The following CAP2 variants were observed in gnomAD, a reference collection of about 807,000 sequenced individuals.
The protein encoded by CAP2 is adenylyl cyclase-associated protein 2.
In CAP2, 24 loss-of-function variants were observed where a neutral mutation model predicts 57.7. The observed-to-expected ratio is 0.42, with a 90% CI of 0.30 to 0.58. The LOEUF is 0.58. Among genes scored for constraint, CAP2 ranks in the 20% least tolerant of loss-of-function variants. The probability of loss-of-function intolerance (pLI) is 0.22; values close to 1 mark genes in which losing one functional copy is unlikely to be tolerated. For missense variants in CAP2, 501 were observed against 590.3 expected (o/e 0.85, Z 1.57); for synonymous variants, 194 against 207.2 (o/e 0.94, Z 0.55).
intron 3 of CAP2, among the ~76,000 whole-genome samples, chr6:17,447,637 T>G (rs567827412): frequency 6.6e-6 from 1 of 152,226 alleles, no homozygotes. Context: ...TAGCTGGGAT[T>G]ACAGGCACTC....
At chr6:17,396,922 C>T (rs937230265) in intron 1 of CAP2, among the ~76,000 whole-genome samples, 1 of 152,176 alleles carries the variant, frequency 6.6e-6, no homozygotes, top group African/African-American at 2.4e-5. Context: ...TCTGTGCCTG[C>T]TCTCATGTCC....
intron 3 of CAP2, among the ~76,000 whole-genome samples, chr6:17,448,780 T>G (rs1373550153): frequency 6.6e-6 from 1 of 152,010 alleles, no homozygotes; most frequent in East Asian, 1.9e-4. Flanking sequence ...TTTTTTTTTT[T>G]TGAGACAAAG....
intron 7 of CAP2, among the ~76,000 whole-genome samples, chr6:17,520,865 G>C (rs1265478692): frequency 2.0e-5 from 3 of 152,172 alleles, no homozygotes; most frequent in Non-Finnish European, 4.4e-5. Flanking sequence ...TTTAGAACTT[G>C]TACCAAACCC....
intron 1 of CAP2, among the ~76,000 whole-genome samples, chr6:17,410,053 A>C (rs1256445308): frequency 6.6e-6 from 1 of 152,140 alleles, no homozygotes; most frequent in Non-Finnish European, 1.5e-5. Flanking sequence ...ATGCGTTTGC[A>C]TATGGAGGCA....
At chr6:17,417,482 C>G (rs2113526424) in intron 1 of CAP2, among the ~76,000 whole-genome samples, 1 of 152,046 alleles carries the variant, frequency 6.6e-6, no homozygotes, top group East Asian at 1.9e-4. Flanking sequence ...GCTGTGTTGC[C>G]CAGGCTGGTC....
intron 7 of CAP2, 62 bp from the exon 8 acceptor site, chr6:17,539,207 G>A: frequency 2.7e-6 from 4 of 1,501,242 alleles, no homozygotes; most frequent in Admixed American, 2.0e-5. Context: ...ACTCTCTCGG[G>A]CAAAATCCCA....
intron 7 of CAP2, among the ~76,000 whole-genome samples, chr6:17,533,727 C>T (rs1478957487): frequency 6.6e-6 from 1 of 151,938 alleles, no homozygotes; most frequent in Non-Finnish European, 1.5e-5. Context: ...TGCACCATGC[C>T]GAGCTAATTT....
chr6:17,541,291 C>A, intron 9 of CAP2, 143 bp downstream of exon 9: 2 of 627,138 alleles, frequency 3.2e-6, no homozygotes, highest in Admixed American at 6.0e-5. Flanking sequence ...TATGGGGTAC[C>A]TGTGATATTT....
At chr6:17,538,302 A>G (rs544887224) in intron 7 of CAP2, among the ~76,000 whole-genome samples, 1 of 152,040 alleles carries the variant, frequency 6.6e-6, no homozygotes, top group South Asian at 2.1e-4. Flanking sequence ...AAAAAAAATT[A>G]AAAATTAGCC....
chr6:17,411,156 C>T (rs1314023727), intron 1 of CAP2, among the ~76,000 whole-genome samples: 2 of 152,152 alleles, frequency 1.3e-5, no homozygotes, highest in Non-Finnish European at 2.9e-5. Flanking sequence ...GAATAATACT[C>T]CATTATAATA....
intron 2 of CAP2, among the ~76,000 whole-genome samples, chr6:17,422,180 T>C (rs1307577572): frequency 1.3e-5 from 2 of 152,226 alleles, no homozygotes; most frequent in Admixed American, 6.5e-5. Flanking sequence ...GAATGTAAAT[T>C]GGAAGGAATT....
At chr6:17,401,902 A>G (rs924230275) in intron 1 of CAP2, among the ~76,000 whole-genome samples, 1 of 152,152 alleles carries the variant, frequency 6.6e-6, no homozygotes, top group African/African-American at 2.4e-5. Context: ...TTCTGAATGG[A>G]AGGTGGACAA....
chr6:17,551,102 A>T (rs1763161770), intron 11 of CAP2, among the ~76,000 whole-genome samples: 1 of 152,262 alleles, frequency 6.6e-6, no homozygotes, highest in African/African-American at 2.4e-5. Flanking sequence ...ATGAATATGA[A>T]TGCATCTTGT....
chr6:17,513,985 A>T lies in CAP2; in HGVS notation c.636+31A>T, dbSNP rs1371161031. 1 of 1,323,380 alleles carries T rather than the reference A, an allele frequency of 7.6e-7. No individual in the cohort carries two copies. The highest frequency in any genetic ancestry group is 1.7e-5 in the Admixed American group (1 of 59,568). The allele number at this position is 1,323,380 out of a possible 1,614,324, so 82.0% of individuals were successfully genotyped here. A position where few individuals can be genotyped will look rare whatever the true frequency, so the allele number is the denominator to read the frequency against. ...TACGAGGCCTTCCTCCACGTGTGTA[A>T]AAAAAGGCCATGACTATATATACAC... On this transcript the variant is annotated intron_variant, in intron 7 of 12. Transcript: ENST00000229922. This position sits in a 1 kb window ranked among gnomAD's most constrained non-coding sequence, Gnocchi z 4.3.
intron 6 of CAP2, among the ~76,000 whole-genome samples, chr6:17,512,215 C>CCT (rs1287592072): frequency 4.0e-5 from 6 of 151,886 alleles, no homozygotes; most frequent in Non-Finnish European, 8.8e-5. Flanking sequence ...CATAGTGAGA[C>CCT]CTCCATCCCT....
intron 5 of CAP2, 126 bp from the exon 6 acceptor site, chr6:17,507,515 G>A: frequency 3.8e-6 from 3 of 798,584 alleles, no homozygotes; most frequent in African/African-American, 1.7e-5. Context: ...AACCTTTACA[G>A]AGCAACATGT....
intron 4 of CAP2, among the ~76,000 whole-genome samples, chr6:17,471,070 G>A (rs1038369934): frequency 1.3e-5 from 2 of 152,174 alleles, no homozygotes; most frequent in Non-Finnish European, 1.5e-5. Context: ...ATTTTAAAAT[G>A]CCAAACAAAG....
chr6:17,522,734 A>G lies in CAP2; in HGVS notation c.636+8780A>G, dbSNP rs570788732. Reference sequence around the variant, plus strand: ...GGGCCAGATGGTGAAATCCTTATGCATTATGCTAAGAAGGTGGGGCTATGT... The same window carrying G: ...GGGCCAGATGGTGAAATCCTTATGCGTTATGCTAAGAAGGTGGGGCTATGT... On this transcript the variant is annotated intron_variant, in intron 7 of 12. Coordinates refer to ENST00000229922, the MANE Select transcript of CAP2 (RefSeq NM_006366.3). Among the ~76,000 whole-genome samples the G allele has an allele frequency of 5.1e-4, 78 of 152,346 alleles. 1 individual carries two copies. The highest frequency in any genetic ancestry group is 3.4e-3 in the Middle Eastern group (1 of 294).
intron 2 of CAP2, among the ~76,000 whole-genome samples, chr6:17,424,228 G>A (rs369184852): frequency 1.1e-4 from 17 of 152,130 alleles, no homozygotes; most frequent in African/African-American, 1.7e-4. Flanking sequence ...GTGAAACTCC[G>A]TCTCTACTAA....
Sources: gnomAD v4.1 joint callset for allele counts (sites outside exome capture counted in the v4.1 genomes callset) on GRCh38, gnomAD v4.1.1 for gene constraint, Gnocchi (gnomAD v3.1) non-coding constraint, MANE v1.5 for transcripts, NCBI Gene and HGNC (gene_info 2026-07-23, HGNC 2026-07-21) for gene names.